Variants in B3GAT2 observed in about 807,000 individuals in gnomAD.
B3GAT2 encodes galactosylgalactosylxylosylprotein 3-beta-glucuronosyltransferase 2.
In B3GAT2, 26 loss-of-function variants were observed where a neutral mutation model predicts 27.8. That is an observed-to-expected ratio of 0.93 (90% CI 0.68 to 1.30). The LOEUF (loss-of-function observed/expected upper bound fraction) is 1.30, where lower values mean the gene tolerates loss of function less well. Among genes scored for constraint, B3GAT2 ranks in the 50% most tolerant of loss-of-function variants. The pLI, the probability that B3GAT2 is intolerant of heterozygous loss-of-function variation, is 0.00. For missense variants in B3GAT2, 458 were observed against 459.0 expected (o/e 1.00, Z 0.02); for synonymous variants, 218 against 195.1 (o/e 1.12, Z -0.98).
chr6:70,926,659 A>G (rs181653816), intron 1 of B3GAT2, among the ~76,000 whole-genome samples: 252 of 152,372 alleles, frequency 1.7e-3, no homozygotes, highest in Non-Finnish European at 2.7e-3. Flanking sequence ...AAAGTCTCCA[A>G]GAAATATGGG....
At chr6:70,878,636 G>C (rs1772051725) in intron 2 of B3GAT2, among the ~76,000 whole-genome samples, 1 of 145,932 alleles carries the variant, frequency 6.9e-6, no homozygotes, top group Non-Finnish European at 1.5e-5. Flanking sequence ...ATCATGTTTG[G>C]TTTTATCTTA....
intron 1 of B3GAT2, among the ~76,000 whole-genome samples, chr6:70,937,654 CAT>C (rs1336147916): frequency 1.2e-4 from 18 of 151,838 alleles, no homozygotes; most frequent in African/African-American, 4.3e-4. Flanking sequence ...ACAAAAACCA[CAT>C]GATTATCTCA....
At position 70,861,404 on chromosome 6, in the gene B3GAT2, C is replaced by CA. The variant is rs758428281; in HGVS notation, c.*258dup. ...GGTATCTTGCAGTATCGGCACTGTA[C>CA]AAAAAAATCTTCCAATTTAGTTGTT... On this transcript the variant is annotated 3_prime_UTR_variant, in exon 4 of 4. Coordinates refer to ENST00000230053, the MANE Select transcript of B3GAT2 (RefSeq NM_080742.3). The CA allele has an allele frequency of 2.8e-4, 127 of 461,646 alleles. No homozygotes were observed. The highest frequency in any genetic ancestry group is 5.8e-4 in the Middle Eastern group (1 of 1,730). 28.6% of individuals were successfully genotyped at this position (461,646 alleles called of 1,614,324 possible). A position where few individuals can be genotyped will look rare whatever the true frequency, so the allele number is the denominator to read the frequency against.
At chr6:70,895,790 T>C (rs965873275) in intron 1 of B3GAT2, among the ~76,000 whole-genome samples, 73 of 152,266 alleles carry the variant, frequency 4.8e-4, no homozygotes, top group Middle Eastern at 3.4e-3. Context: ...TTTCAATAAA[T>C]GAACTGCAAC....
At chr6:70,924,466 G>A (rs1381485343) in intron 1 of B3GAT2, among the ~76,000 whole-genome samples, 1 of 152,124 alleles carries the variant, frequency 6.6e-6, no homozygotes, top group East Asian at 1.9e-4. Context: ...AAAGAATCTT[G>A]AAAAGAATAA....
chr6:70,942,331 A>G (rs1267867855), intron 1 of B3GAT2, among the ~76,000 whole-genome samples: 4 of 152,144 alleles, frequency 2.6e-5, no homozygotes, highest in African/African-American at 9.7e-5. Flanking sequence ...AGAAGATGGA[A>G]AAGTGGCTGC....
chr6:70,873,241 T>C (rs1771965180), intron 2 of B3GAT2, among the ~76,000 whole-genome samples: 1 of 152,142 alleles, frequency 6.6e-6, no homozygotes, highest in African/African-American at 2.4e-5. Flanking sequence ...GTAGGGCACA[T>C]GTGCTAGCAA....
At chr6:70,947,187 C>A (rs1014308607) in intron 1 of B3GAT2, among the ~76,000 whole-genome samples, 2 of 151,620 alleles carry the variant, frequency 1.3e-5, no homozygotes, top group Non-Finnish European at 1.5e-5. Flanking sequence ...AAAGCAAGAG[C>A]AAACACATTC....
At position 70,859,584 on chromosome 6, in the gene B3GAT2, C is replaced by T. The variant is rs1221443450; in HGVS notation, c.*2079G>A. On this transcript the variant is annotated 3_prime_UTR_variant, in exon 4 of 4. Coordinates refer to ENST00000230053, the MANE Select transcript of B3GAT2 (RefSeq NM_080742.3). ...CCACTCACTATATGGTAAATCTTGCCTTTCCTTCTCTTATCACCAATTTTG... is the reference window on the plus strand; with the variant it reads ...CCACTCACTATATGGTAAATCTTGCTTTTCCTTCTCTTATCACCAATTTTG... 1 of 423,248 alleles carries T rather than the reference C, an allele frequency of 2.4e-6. No individual in the cohort carries two copies. Among genetic ancestry groups the T allele is most frequent in the Non-Finnish European group, 4.1e-6 (1 of 241,310 alleles). 26.2% of individuals were successfully genotyped at this position (423,248 alleles called of 1,614,324 possible).
chr6:70,921,682 C>T (rs1052642651), intron 1 of B3GAT2, among the ~76,000 whole-genome samples: 5 of 152,114 alleles, frequency 3.3e-5, no homozygotes, highest in East Asian at 1.9e-4. Flanking sequence ...TTTTGAATTG[C>T]CAGAGTTCTT....
intron 1 of B3GAT2, among the ~76,000 whole-genome samples, chr6:70,928,726 GACATATTC>G (rs1773007291): frequency 6.6e-6 from 1 of 152,322 alleles, no homozygotes; most frequent in East Asian, 1.9e-4. Flanking sequence ...CCACAGACCA[GACATATTC>G]ACAGCTGAAT....
intron 2 of B3GAT2, among the ~76,000 whole-genome samples, chr6:70,893,790 A>C (rs980645167): frequency 3.9e-5 from 6 of 152,134 alleles, no homozygotes; most frequent in African/African-American, 1.4e-4. Flanking sequence ...GTTCCAGCTA[A>C]CAGACCCCTG....
At chr6:70,924,012 G>A (rs1363418253) in intron 1 of B3GAT2, among the ~76,000 whole-genome samples, 1 of 152,100 alleles carries the variant, frequency 6.6e-6, no homozygotes, top group Non-Finnish European at 1.5e-5. Context: ...GGTGGGAGTG[G>A]GGTGTACTTA....
chr6:70,941,274 T>C (rs1295735949), intron 1 of B3GAT2, among the ~76,000 whole-genome samples: 1 of 152,156 alleles, frequency 6.6e-6, no homozygotes, highest in African/African-American at 2.4e-5. Flanking sequence ...TTATCTGGTA[T>C]ACCCTCAATT....
chr6:70,953,749 T>G (rs1765609503), intron 1 of B3GAT2, among the ~76,000 whole-genome samples: 1 of 152,200 alleles, frequency 6.6e-6, no homozygotes. Flanking sequence ...GTACAAAAGT[T>G]TAGTGTCTTG....
At chr6:70,942,362 C>T (rs1367215376) in intron 1 of B3GAT2, among the ~76,000 whole-genome samples, 4 of 152,148 alleles carry the variant, frequency 2.6e-5, no homozygotes, top group Non-Finnish European at 5.9e-5. Flanking sequence ...ACCTCATCTT[C>T]TCACCACCCA....
intron 2 of B3GAT2, among the ~76,000 whole-genome samples, chr6:70,882,329 G>A (rs138677182): frequency 1.1e-4 from 16 of 151,906 alleles, no homozygotes; most frequent in Non-Finnish European, 1.6e-4. Flanking sequence ...GTGAAACCCC[G>A]TCTCTACTAA....
At chr6:70,868,758 C>G (rs902502785) in intron 2 of B3GAT2, among the ~76,000 whole-genome samples, 2 of 152,064 alleles carry the variant, frequency 1.3e-5, no homozygotes, top group Non-Finnish European at 2.9e-5. Flanking sequence ...GAGATTTCAA[C>G]TTTCATATTA....
intron 1 of B3GAT2, among the ~76,000 whole-genome samples, chr6:70,941,927 A>G (rs1434561903): frequency 1.3e-5 from 2 of 152,220 alleles, no homozygotes; most frequent in Non-Finnish European, 2.9e-5. Context: ...ATACATATTC[A>G]GGTATCATAT....
Sources: gnomAD v4.1 joint callset for allele counts (sites outside exome capture counted in the v4.1 genomes callset) on GRCh38, gnomAD v4.1.1 for gene constraint, MANE v1.5 for transcripts, NCBI Gene and HGNC (gene_info 2026-07-23, HGNC 2026-07-21) for gene names.